XPO1: variants seen among roughly 807,000 people sequenced by gnomAD.
XPO1 encodes exportin 1, also known as exportin-1.
A neutral mutation model predicts 133.3 loss-of-function variants in XPO1; 5 were observed. The ratio of observed to expected loss-of-function variants is 0.04; its 90% CI spans 0.02 to 0.08. XPO1 has a LOEUF of 0.08. XPO1 is among the 10% of genes least tolerant of loss of function. The probability of loss-of-function intolerance (pLI) is 1.00; values close to 1 mark genes in which losing one functional copy is unlikely to be tolerated. For missense variants in XPO1, 506 were observed against 1,267.5 expected (o/e 0.40, Z 9.12); for synonymous variants, 419 against 408.2 (o/e 1.03, Z -0.32).
chr2:61,499,701 A>G lies in XPO1; in HGVS notation c.590+12T>C. On this transcript the variant is annotated intron_variant, in intron 7 of 24. Transcript: ENST00000401558. ...AATCACTTTAAAATTCTAAAACATAATTATTACTTGCCTGTCTTTTAAATG... is the reference window on the plus strand; with the variant it reads ...AATCACTTTAAAATTCTAAAACATAGTTATTACTTGCCTGTCTTTTAAATG... 1 of 1,559,444 alleles carries G rather than the reference A, an allele frequency of 6.4e-7. No homozygotes were observed. Among genetic ancestry groups the G allele is most frequent in the Non-Finnish European group, 8.6e-7 (1 of 1,159,794 alleles).
chr2:61,495,596 G>C lies in XPO1; in HGVS notation c.906C>G (p.Thr302=). 1.9e-6 allele frequency: 3 copies of C among 1,565,312 alleles called. No individual in the cohort carries two copies. Among genetic ancestry groups the C allele is most frequent in the Non-Finnish European group, 2.6e-6 (3 of 1,153,324 alleles). The change falls in exon 11 of 25, where the codon ACC becomes ACG. Residue 302 remains threonine (T), a synonymous_variant. Transcript: ENST00000401558. The part of the protein sequence containing the change: ...MQLKQMLPLN[T]NIRLAYSNGK... ...CATTTGAGTACGCAAGTCGAATATTGGTATTTAAAGGAAGCATCTGCAAAT... is the reference window on the plus strand; with the variant it reads ...CATTTGAGTACGCAAGTCGAATATTCGTATTTAAAGGAAGCATCTGCAAAT...
intron 6 of XPO1, among the ~76,000 whole-genome samples, chr2:61,500,820 T>C (rs2104515241): frequency 6.6e-6 from 1 of 152,160 alleles, no homozygotes; most frequent in East Asian, 1.9e-4. Context: ...GAAGAAATTA[T>C]CCTAGGAGAC....
chr2:61,501,709 G>T (rs1489516060), intron 6 of XPO1, among the ~76,000 whole-genome samples: 4 of 132,108 alleles, frequency 3.0e-5, no homozygotes, highest in Non-Finnish European at 6.3e-5. Context: ...GGCAACAGAG[G>T]GAGACTGTCT....
chr2:61,488,108 A>G, intron 19 of XPO1, 57 bp downstream of exon 19: 1 of 1,461,126 alleles, frequency 6.8e-7, no homozygotes, highest in Non-Finnish European at 9.6e-7. Context: ...AGTATAGCAT[A>G]TTCCATAAAA....
At chr2:61,485,708 T>C in intron 20 of XPO1, 60 bp downstream of exon 20, 1 of 1,384,954 alleles carries the variant, frequency 7.2e-7, no homozygotes, top group Non-Finnish European at 9.9e-7. Context: ...ATACTTTAGC[T>C]TTCAAGAATT....
At chr2:61,531,537 T>C (rs1478904156) in intron 2 of XPO1, among the ~76,000 whole-genome samples, 1 of 152,246 alleles carries the variant, frequency 6.6e-6, no homozygotes, top group Non-Finnish European at 1.5e-5. Flanking sequence ...CACTGCTCTA[T>C]GTTGGTTTAT....
intron 3 of XPO1, chr2:61,525,773 T>G: frequency 9.7e-7 from 1 of 1,032,102 alleles, no homozygotes; most frequent in Non-Finnish European, 1.2e-6. Context: ...GAAACAGATG[T>G]GAATATGGCT....
rs1486437329 is a variant in XPO1 at position 61,490,787 on chromosome 2, AAGC to A, written c.1888-14_1888-12del. The A allele has an allele frequency of 5.0e-6, 8 of 1,609,706 alleles. No homozygotes were observed. The highest frequency in any genetic ancestry group is 6.8e-6 in the Non-Finnish European group (8 of 1,178,648). The stretch of plus-strand genomic sequence containing the variant: ...ATAAAACGTATGAACCTATTTTAAA[AAGC>A]AGACATTTTAACGTTTATGTTATAC... On this transcript the variant is annotated splice_polypyrimidine_tract_variant and intron_variant, in intron 16 of 24. Transcript: ENST00000401558.
At position 61,478,746 on chromosome 2, in the gene XPO1, G is replaced by T; in HGVS notation, c.*74C>A. ...TTAATTTACAAATTGGCATCATTTT[G>T]GTCGACAAATACCCACATGCTGTTT... is the stretch of plus-strand genomic sequence containing the variant. On this transcript the variant is annotated 3_prime_UTR_variant, in exon 25 of 25. Coordinates refer to ENST00000401558, the MANE Select transcript of XPO1 (RefSeq NM_003400.4). 1 of 1,485,434 alleles carries T rather than the reference G, an allele frequency of 6.7e-7. No individual in the cohort carries two copies. Among genetic ancestry groups the T allele is most frequent in the South Asian group, 1.3e-5 (1 of 75,944 alleles). The allele number at this position is 1,485,434 out of a possible 1,614,324, so 92.0% of individuals were successfully genotyped here. A position where few individuals can be genotyped will look rare whatever the true frequency, so the allele number is the denominator to read the frequency against.
intron 3 of XPO1, among the ~76,000 whole-genome samples, chr2:61,524,664 G>C (rs373196700): frequency 2.0e-5 from 3 of 152,198 alleles, no homozygotes; most frequent in African/African-American, 7.2e-5. Flanking sequence ...AGTGGCCCTC[G>C]CCTGTAATCC....
At chr2:61,508,764 A>T (rs1697945184) in intron 4 of XPO1, among the ~76,000 whole-genome samples, 1 of 152,226 alleles carries the variant, frequency 6.6e-6, no homozygotes, top group Non-Finnish European at 1.5e-5. Flanking sequence ...GAAGCAACTC[A>T]ATCTTCAAGT....
At chr2:61,484,486 T>C (rs1000492516) in intron 20 of XPO1, 9 of 174,772 alleles carry the variant, frequency 5.1e-5, no homozygotes, top group Non-Finnish European at 9.6e-5. Context: ...TCTTTTTTCT[T>C]TTTAAACAGT....
intron 23 of XPO1, among the ~76,000 whole-genome samples, chr2:61,481,511 TACAATCGC>T (rs1157882841): frequency 1.3e-5 from 2 of 152,026 alleles, no homozygotes; most frequent in African/African-American, 2.4e-5. Context: ...CAGGTTGGAG[TACAATCGC>T]ACAATCGCGG....
rs570801254 is a variant in XPO1 at position 61,518,319 on chromosome 2, G to A, written c.301+4292C>T. Among the ~76,000 whole-genome samples, 4 of 151,730 alleles carry A rather than the reference G, an allele frequency of 2.6e-5. No individual in the cohort carries two copies. The East Asian group carries it at 5.8e-4, about 22-fold the overall frequency. On this transcript the variant is annotated intron_variant, in intron 4 of 24. Transcript: ENST00000401558. ...TGTAATCCCAGCACTTTGGGAGGCC[G>A]AGGCAGGCGGATGACGAGGTCAGGA...
Position 61,488,640 on chromosome 2 carries a change from A to C in XPO1, c.2154T>G (p.Leu718=). Reference sequence around the variant, plus strand: ...TTTCACTGAGGCACTTGTATACATTAAGCATATCTAAATAAATTCTTCCAA... The same window carrying C: ...TTTCACTGAGGCACTTGTATACATTCAGCATATCTAAATAAATTCTTCCAA... ...IQLGRIYLDM[L]NVYKCLSENI... Residue 718 remains leucine, a synonymous_variant, in exon 18 of 25, where the codon CTT becomes CTG. Transcript: ENST00000401558. The C allele has an allele frequency of 6.2e-7, 1 of 1,613,584 alleles. No individual in the cohort carries two copies.
intron 4 of XPO1, among the ~76,000 whole-genome samples, chr2:61,507,330 T>C (rs1401497751): frequency 2.6e-5 from 4 of 151,474 alleles, no homozygotes; most frequent in East Asian, 1.9e-4. Flanking sequence ...TCCTGGAGCT[T>C]TGGAAGGCTG....
At chr2:61,526,239 T>C in intron 3 of XPO1, 181 bp downstream of exon 3, 1 of 1,402,130 alleles carries the variant, frequency 7.1e-7, no homozygotes, top group South Asian at 1.6e-5. Flanking sequence ...CAAAACTTCA[T>C]TCATAATTCT....
chr2:61,500,711 A>T (rs1254859340), intron 6 of XPO1, among the ~76,000 whole-genome samples: 1 of 152,078 alleles, frequency 6.6e-6, no homozygotes, highest in Non-Finnish European at 1.5e-5. Flanking sequence ...AGGCAGGAGA[A>T]TTGCTTGAAC....
At chr2:61,482,033 C>CTTTTTTGTTTTTTTTTTTTT (rs1491506588) in intron 23 of XPO1, among the ~76,000 whole-genome samples, 1 of 86,818 alleles carries the variant, frequency 1.2e-5, no homozygotes, top group Non-Finnish European at 2.5e-5. Context: ...CCGTGCGTGG[C>CTTTTTTGTTTTTTTTTTTTT]CTTTTTTTTT....
Sources: allele counts gnomAD v4.1 joint callset (sites outside exome capture counted in the v4.1 genomes callset), GRCh38; gene constraint gnomAD v4.1.1; transcripts MANE v1.5; gene names NCBI Gene and HGNC (gene_info 2026-07-23, HGNC 2026-07-21).